The following WDR33 variants were observed in gnomAD, a reference collection of about 807,000 sequenced individuals.
WDR33 encodes the protein WD repeat domain 33.
A neutral mutation model predicts 164.9 loss-of-function variants in WDR33; 47 were observed. The observed-to-expected ratio is 0.29, with a 90% confidence interval of 0.23 to 0.36. The LOEUF (loss-of-function observed/expected upper bound fraction) is 0.36, where lower values mean the gene tolerates loss of function less well. Ranked by LOEUF, WDR33 falls within the 10% of genes least tolerant of loss-of-function variation. The pLI is 1.00. For synonymous variants in WDR33, 505 were observed against 589.0 expected, an observed-to-expected ratio of 0.86 and a Z score of 2.06; for missense variants, 1,137 against 1,754.1, an observed-to-expected ratio of 0.65 and a Z score of 6.28.
chr2:127,732,043 T>A lies in WDR33; in HGVS notation c.725-5266A>T, dbSNP rs185239013. ...GTCAAGGCTGCAGTGAGTTGTGATTTTGCCATTACATTCCAGGCTGGGTGA... is the reference window on the plus strand; with the variant it reads ...GTCAAGGCTGCAGTGAGTTGTGATTATGCCATTACATTCCAGGCTGGGTGA... On this transcript the variant is annotated intron_variant, in intron 7 of 21. Coordinates refer to ENST00000322313, the MANE Select transcript of WDR33 (RefSeq NM_018383.5). Among the ~76,000 whole-genome samples the A allele has an allele frequency of 1.2e-3, 188 of 151,728 alleles. 2 individuals are homozygous for A. Among genetic ancestry groups the A allele is most frequent in the Admixed American group, 2.7e-3 (41 of 15,216 alleles).
chr2:127,750,741 C>T (rs1439220188), intron 7 of WDR33, among the ~76,000 whole-genome samples: 10 of 40,614 alleles, frequency 2.5e-4, no homozygotes, highest in African/African-American at 1.6e-3. Context: ...TATATGTATG[C>T]ATACATATAT....
chr2:127,715,413 T>G (rs1686275657), intron 17 of WDR33, among the ~76,000 whole-genome samples: 1 of 152,202 alleles, frequency 6.6e-6, no homozygotes, highest in Non-Finnish European at 1.5e-5. Flanking sequence ...TCATTTCTTT[T>G]GGCTATTTCA....
chr2:127,730,540 A>C (rs1686675846), intron 7 of WDR33, among the ~76,000 whole-genome samples: 1 of 152,234 alleles, frequency 6.6e-6, no homozygotes. Context: ...AACAAATTTT[A>C]GAAGTGGAAT....
intron 1 of WDR33, among the ~76,000 whole-genome samples, chr2:127,794,359 G>A (rs1173999969): frequency 4.0e-5 from 6 of 151,056 alleles, no homozygotes; most frequent in Admixed American, 4.0e-4. Context: ...AATTAGCTGG[G>A]TGTGGTGGCA....
chr2:127,737,932 G>T, intron 7 of WDR33: 1 of 1,573,006 alleles, frequency 6.4e-7, no homozygotes. Context: ...TCTATGTTTT[G>T]CCAGAATCTT....
intron 7 of WDR33, chr2:127,762,644 A>C (rs1360641068): frequency 3.0e-6 from 3 of 991,870 alleles, no homozygotes; most frequent in East Asian, 1.1e-4. Context: ...AGTAACACTA[A>C]GAAGTGTAGC....
At chr2:127,793,345 C>T (rs1041659943) in intron 1 of WDR33, among the ~76,000 whole-genome samples, 103 of 151,882 alleles carry the variant, frequency 6.8e-4, no homozygotes, top group African/African-American at 2.3e-3. Flanking sequence ...GCAGGAGAAT[C>T]GCTTCAACCC....
At position 127,709,916 on chromosome 2, in the gene WDR33, T is replaced by C; in HGVS notation, c.3309-60A>G. 2 of 1,569,104 alleles carry C rather than the reference T, an allele frequency of 1.3e-6. No individual in the cohort carries two copies. Among genetic ancestry groups the C allele is most frequent in the Non-Finnish European group, 1.7e-6 (2 of 1,156,712 alleles). On this transcript the variant is annotated intron_variant, in intron 18 of 21. Coordinates refer to ENST00000322313, the MANE Select transcript of WDR33 (RefSeq NM_018383.5). This position sits in a 1 kb window ranked among gnomAD's most constrained non-coding sequence, Gnocchi z 5.0. ...AGAACACCTTGCCACTCTAAGTTCATGTTTCAAAGAAGCATATGATATGAG... is the reference window on the plus strand; with the variant it reads ...AGAACACCTTGCCACTCTAAGTTCACGTTTCAAAGAAGCATATGATATGAG...
intron 7 of WDR33, among the ~76,000 whole-genome samples, chr2:127,761,873 C>T (rs1378755621): frequency 1.3e-5 from 2 of 152,158 alleles, no homozygotes; most frequent in Non-Finnish European, 1.5e-5. Flanking sequence ...TCATACAGTA[C>T]TGTGGATAAA....
chr2:127,791,716 GA>G (rs1259606946), intron 1 of WDR33, among the ~76,000 whole-genome samples: 2 of 152,116 alleles, frequency 1.3e-5, no homozygotes, highest in African/African-American at 2.4e-5. Flanking sequence ...ATATGCTCAA[GA>G]GGTGACATTT....
intron 1 of WDR33, among the ~76,000 whole-genome samples, chr2:127,808,756 T>A (rs940124553): frequency 2.0e-5 from 3 of 150,730 alleles, no homozygotes; most frequent in African/African-American, 7.3e-5. Context: ...ATTGGCCAGG[T>A]GCGGTGGCTC....
chr2:127,771,401 T>A (rs1372852030), intron 1 of WDR33, among the ~76,000 whole-genome samples: 1 of 152,188 alleles, frequency 6.6e-6, no homozygotes, highest in Non-Finnish European at 1.5e-5. Flanking sequence ...CATAGAAAAG[T>A]ATGATAAAAA....
chr2:127,775,412 C>A (rs973471103), intron 1 of WDR33, among the ~76,000 whole-genome samples: 7 of 152,190 alleles, frequency 4.6e-5, no homozygotes, highest in Admixed American at 4.6e-4. Flanking sequence ...TAGTCTCAAA[C>A]TCCTGACCTC....
At chr2:127,711,347 C>T (rs1686155370) in intron 18 of WDR33, among the ~76,000 whole-genome samples, 1 of 151,358 alleles carries the variant, frequency 6.6e-6, no homozygotes, top group Non-Finnish European at 1.5e-5. Context: ...ATCGCTTGAA[C>T]CCAGGAGGTG....
intron 3 of WDR33, 103 bp from the exon 4 acceptor site, chr2:127,768,396 G>T: frequency 1.6e-6 from 1 of 614,822 alleles, no homozygotes; most frequent in Non-Finnish European, 2.6e-6. Context: ...GACAAATTTG[G>T]GACCATATAG....
Position 127,702,039 on chromosome 2 carries a change from C to A in WDR33, c.*4284G>T. 7.2e-6 allele frequency: 9 copies of A among 1,241,600 alleles called. No homozygotes were observed. Among genetic ancestry groups the A allele is most frequent in the Non-Finnish European group, 8.0e-6 (8 of 994,536 alleles). 76.9% of individuals were successfully genotyped at this position (1,241,600 alleles called of 1,614,324 possible). A position where few individuals can be genotyped will look rare whatever the true frequency, so the allele number is the denominator to read the frequency against. ...CCTTCGCAGCACGCTGCTCACGGTG[C>A]TGGGCGCGGGCGCGCAGGTGGCCGC... On this transcript the variant is annotated 3_prime_UTR_variant, in exon 22 of 22. Transcript: ENST00000322313.
chr2:127,742,522 C>CA (rs66766896), intron 7 of WDR33, among the ~76,000 whole-genome samples: 3,175 of 79,012 alleles, frequency 0.04, 78 homozygotes, highest in African/African-American at 0.066. Context: ...GACCCTGTCT[C>CA]AAAAAAAAAA....
In WDR33 at chr2:127,719,973, A is replaced by G. The variant is rs761707533; in HGVS notation, c.2052T>C (p.His684=). 1.2e-6 allele frequency: 2 copies of G among 1,613,806 alleles called. No individual in the cohort carries two copies. Among genetic ancestry groups the G allele is most frequent in the African/African-American group, 1.3e-5 (1 of 74,892 alleles). The change falls in exon 16 of 22, where the codon CAT becomes CAC. Residue 684 remains histidine, a synonymous_variant. Coordinates refer to ENST00000322313, the MANE Select transcript of WDR33 (RefSeq NM_018383.5). The surrounding 1 kb of genome is among the most constrained non-coding windows in gnomAD (Gnocchi z 6.5). ...GTGGCCCTTGAGGTCCCAAAGGGCC[A>G]TGAGGTCCAGGATGCCTCTGCATTC... ...PQGMQRHPGP[H]GPLGPQGPPG...
Position 127,764,508 on chromosome 2 carries a change from C to A in WDR33, c.626+320G>T, listed in dbSNP as rs1180307105. On this transcript the variant is annotated intron_variant, in intron 6 of 21. Transcript: ENST00000322313. The surrounding 1 kb of genome is among the most constrained non-coding windows in gnomAD (Gnocchi z 6.2). ...AATTCTTTATTTGGAATGAAATATT[C>A]TTGTCTTACACAGTAGATAATAAAA... The A allele has an allele frequency of 4.0e-6, 6 of 1,496,726 alleles. No homozygotes were observed. Among genetic ancestry groups the A allele is most frequent in the African/African-American group, 1.4e-5 (1 of 70,338 alleles). The allele number at this position is 1,496,726 out of a possible 1,614,324, so 92.7% of individuals were successfully genotyped here. A position where few individuals can be genotyped will look rare whatever the true frequency, so the allele number is the denominator to read the frequency against.
Sources: gnomAD v4.1 joint callset for allele counts (sites outside exome capture counted in the v4.1 genomes callset) on GRCh38, gnomAD v4.1.1 for gene constraint, Gnocchi (gnomAD v3.1) non-coding constraint, MANE v1.5 for transcripts, NCBI Gene and HGNC (gene_info 2026-07-23, HGNC 2026-07-21) for gene names.